UBE2K: variants seen among roughly 807,000 people sequenced by gnomAD.
The protein encoded by UBE2K is ubiquitin-conjugating enzyme E2 K.
In UBE2K, 6 loss-of-function variants were observed where a neutral mutation model predicts 30.0. That is an observed-to-expected ratio of 0.20 (90% CI 0.11 to 0.39). UBE2K has a LOEUF of 0.39. Ranked by LOEUF, UBE2K falls within the 10% of genes least tolerant of loss-of-function variation. UBE2K has a pLI of 1.00. For missense variants in UBE2K, 61 were observed against 241.6 expected, an observed-to-expected ratio of 0.25 and a Z score of 4.96; for synonymous variants, 86 against 83.7, an observed-to-expected ratio of 1.03 and a Z score of -0.15.
chr4:39,756,735 A>C (rs1721533895), intron 4 of UBE2K, among the ~76,000 whole-genome samples: 2 of 152,184 alleles, frequency 1.3e-5, no homozygotes, highest in African/African-American at 4.8e-5. Flanking sequence ...TAGATGGAAA[A>C]ACTAAGACCA....
intron 1 of UBE2K, among the ~76,000 whole-genome samples, chr4:39,704,049 G>T (rs1432713287): frequency 6.6e-6 from 1 of 151,524 alleles, no homozygotes; most frequent in East Asian, 1.9e-4. Context: ...TAATAAAAAG[G>T]TAAAATTTTC....
At position 39,722,396 on chromosome 4, in the gene UBE2K, G is replaced by C. The variant is rs564947005; in HGVS notation, c.64-15024G>C. ...ATGTGTAATATCAGATTTTCTTACT[G>C]TTATTGATGCTTGGTCACTTGTTTA... On this transcript the variant is annotated intron_variant, in intron 1 of 6. Coordinates refer to ENST00000261427, the MANE Select transcript of UBE2K (RefSeq NM_005339.5). 5.9e-5 allele frequency among the ~76,000 whole-genome samples: 9 copies of C among 152,240 alleles called. No homozygotes were observed. In the South Asian group the frequency reaches 1.7e-3, roughly 28 times the overall value.
chr4:39,768,903 G>GTC (rs1414144729), intron 4 of UBE2K, among the ~76,000 whole-genome samples: 2 of 152,086 alleles, frequency 1.3e-5, no homozygotes, highest in South Asian at 4.2e-4. Flanking sequence ...TGTCACCCAG[G>GTC]CTAGAGTGCA....
At chr4:39,710,042 C>A (rs1718582511) in intron 1 of UBE2K, 1 of 151,744 alleles carries the variant, frequency 6.6e-6, no homozygotes. Flanking sequence ...GGTGGGAGAA[C>A]TTTATTTCAT....
intron 4 of UBE2K, chr4:39,770,850 TC>T (rs1267705634): frequency 1.3e-6 from 2 of 1,538,754 alleles, no homozygotes; most frequent in African/African-American, 2.8e-5. Context: ...CTCATCCTCT[TC>T]CTCGGCTTTC....
intron 4 of UBE2K, among the ~76,000 whole-genome samples, chr4:39,757,046 A>C (rs1351394559): frequency 1.8e-5 from 2 of 109,846 alleles, no homozygotes; most frequent in South Asian, 3.2e-4. Context: ...TTTTTTTGAG[A>C]CAGAGTTTCA....
At chr4:39,733,107 T>A (rs1369425484) in intron 1 of UBE2K, among the ~76,000 whole-genome samples, 2 of 147,718 alleles carry the variant, frequency 1.4e-5, no homozygotes, top group Non-Finnish European at 3.0e-5. Flanking sequence ...TTTAGCTGAG[T>A]TGGGAGAAGA....
intron 1 of UBE2K, among the ~76,000 whole-genome samples, chr4:39,727,493 C>T (rs968403633): frequency 1.3e-5 from 2 of 152,012 alleles, no homozygotes; most frequent in African/African-American, 4.8e-5. Flanking sequence ...TCCCGCATTG[C>T]TGGGACTATG....
At chr4:39,765,597 A>T (rs190342146) in intron 4 of UBE2K, among the ~76,000 whole-genome samples, 41 of 152,220 alleles carry the variant, frequency 2.7e-4, no homozygotes, top group African/African-American at 9.6e-4. Context: ...AGATGGATGG[A>T]TCACCTGAGG....
intron 2 of UBE2K, among the ~76,000 whole-genome samples, chr4:39,740,217 G>A (rs1442449918): frequency 1.3e-5 from 2 of 151,876 alleles, no homozygotes; most frequent in African/African-American, 4.8e-5. Flanking sequence ...GAAGATAGTA[G>A]GGCAGTGACA....
chr4:39,733,364 C>G (rs1248646515), intron 1 of UBE2K, among the ~76,000 whole-genome samples: 1 of 135,446 alleles, frequency 7.4e-6, no homozygotes, highest in Non-Finnish European at 1.5e-5. Context: ...GACAGAATCT[C>G]GGTCTATCAT....
At chr4:39,756,999 T>TG (rs753203355) in intron 4 of UBE2K, among the ~76,000 whole-genome samples, 8 of 134,478 alleles carry the variant, frequency 5.9e-5, no homozygotes, top group Non-Finnish European at 3.2e-5. Flanking sequence ...TTTTTTTGGG[T>TG]GTTTTTTTTT....
chr4:39,699,800 A>G (rs556800669), intron 1 of UBE2K, among the ~76,000 whole-genome samples: 3 of 152,322 alleles, frequency 2.0e-5, no homozygotes, highest in African/African-American at 2.4e-5. Context: ...TGAAAGTAGT[A>G]TATAAGTCAT....
At chr4:39,715,159 G>A (rs555117155) in intron 1 of UBE2K, among the ~76,000 whole-genome samples, 5 of 151,606 alleles carry the variant, frequency 3.3e-5, no homozygotes, top group Admixed American at 1.3e-4. Flanking sequence ...CCGAGTAGCT[G>A]GGACTACAGG....
chr4:39,780,541 C>T lies in UBE2K; in HGVS notation c.*2107C>T, dbSNP rs1448487629. 2.0e-5 allele frequency: 3 copies of T among 152,014 alleles called. No individual in the cohort carries two copies. The highest frequency in any genetic ancestry group is 7.2e-5 in the African/African-American group (3 of 41,410). The allele number at this position is 152,014 out of a possible 1,614,324, so 9.4% of individuals were successfully genotyped here. On this transcript the variant is annotated 3_prime_UTR_variant, in exon 7 of 7. Transcript: ENST00000261427. ...CTGCTTTGATTTTTATGCACATGAG[C>T]CCTATAGGGTTATATACTCATCTAA...
chr4:39,751,315 G>T (rs988985863), intron 3 of UBE2K, among the ~76,000 whole-genome samples: 23 of 152,072 alleles, frequency 1.5e-4, no homozygotes, highest in African/African-American at 5.6e-4. Context: ...ATTTAATTGG[G>T]TCTTGGCTTT....
intron 1 of UBE2K, among the ~76,000 whole-genome samples, chr4:39,724,010 A>C (rs993075496): frequency 8.0e-5 from 12 of 150,290 alleles, no homozygotes; most frequent in Non-Finnish European, 1.8e-4. Context: ...ATGGGATTTC[A>C]CCATGTTGGT....
chr4:39,754,780 A>G (rs1412457574), intron 3 of UBE2K, among the ~76,000 whole-genome samples: 1 of 152,202 alleles, frequency 6.6e-6, no homozygotes, highest in African/African-American at 2.4e-5. Context: ...TGTTGAGATT[A>G]CAGTGTGTGA....
intron 3 of UBE2K, among the ~76,000 whole-genome samples, chr4:39,748,153 C>T (rs542622762): frequency 2.6e-5 from 4 of 152,196 alleles, no homozygotes; most frequent in Non-Finnish European, 5.9e-5. Flanking sequence ...AGTTGTGGCT[C>T]TGTTTTAGGC....
Sources: allele counts gnomAD v4.1 joint callset (sites outside exome capture counted in the v4.1 genomes callset), GRCh38; gene constraint gnomAD v4.1.1; transcripts MANE v1.5; gene names NCBI Gene and HGNC (gene_info 2026-07-23, HGNC 2026-07-21).